The following HEPH variants were observed in gnomAD, a reference collection of about 807,000 sequenced individuals.
HEPH encodes the protein hephaestin.
HEPH carries 69 observed loss-of-function variants against 80.8 expected under a neutral mutation model. The observed-to-expected ratio is 0.85, with a 90% CI of 0.70 to 1.04. The LOEUF is 1.04. Among genes scored for constraint, HEPH ranks in the 50% least tolerant of loss-of-function variants. The pLI is 0.00. For synonymous variants in HEPH, 431 were observed against 322.8 expected (o/e 1.34, Z -3.60); for missense variants, 1,115 against 891.3 (o/e 1.25, Z -3.20).
At chrX:66,267,993 T>C (rs929561804), downstream of HEPH, 2 of 111,713 alleles carry the variant, frequency 1.8e-5, no homozygotes, top group African/African-American at 6.5e-5. Flanking sequence ...TTAAAAAGCA[T>C]TTTAATTCTT....
intron 15 of HEPH, among the ~76,000 whole-genome samples, chrX:66,213,021 ATTTAT>A (rs1316575426): frequency 1.9e-5 from 2 of 107,926 alleles, no homozygotes; most frequent in African/African-American, 6.7e-5. Flanking sequence ...AAATTAATTT[ATTTAT>A]TTTATTTATT....
At chrX:66,203,981 A>T (rs936900736) in intron 13 of HEPH, among the ~76,000 whole-genome samples, 12 of 112,476 alleles carry the variant, frequency 1.1e-4, no homozygotes, top group Non-Finnish European at 2.2e-4. Flanking sequence ...TGATTTAAAT[A>T]TGATAGAATT....
At chrX:66,186,237 C>T (rs1243130735) in intron 4 of HEPH, among the ~76,000 whole-genome samples, 5 of 98,359 alleles carry the variant, frequency 5.1e-5, no homozygotes, top group African/African-American at 1.6e-4. Context: ...CCCCCCAGTT[C>T]GAGCTTCCAG....
chrX:66,175,832 A>G (rs755551459), intron 4 of HEPH, among the ~76,000 whole-genome samples: 35 of 111,677 alleles, frequency 3.1e-4, no homozygotes, highest in Non-Finnish European at 6.2e-4. Context: ...ATGGTAGTGT[A>G]TAGAAGAGCT....
intron 15 of HEPH, among the ~76,000 whole-genome samples, chrX:66,220,098 G>A (rs765069361): frequency 1.8e-5 from 2 of 111,027 alleles, no homozygotes; most frequent in Non-Finnish European, 3.8e-5. Context: ...AGTTATCAGG[G>A]TGATTCTTTT....
At chrX:66,183,961 C>T (rs1170212677) in intron 4 of HEPH, among the ~76,000 whole-genome samples, 1 of 12,709 alleles carries the variant, frequency 7.9e-5, no homozygotes, top group Non-Finnish European at 1.2e-4. Context: ...CGTTATGTAC[C>T]CAGTAGTCAT....
chrX:66,179,970 G>T (rs1306412563), intron 4 of HEPH, among the ~76,000 whole-genome samples: 2 of 110,752 alleles, frequency 1.8e-5, no homozygotes, highest in Admixed American at 9.7e-5. Context: ...GTTTATGTGA[G>T]TCCTTATGTG....
Position 66,170,623 on chromosome X carries a change from C to T in HEPH, c.53C>T (p.Pro18Leu). ...CTGCTGTTCATGCAGTCCTTGTGGC[C>T]TCAACTGACTGATGGAGCCACTCGA... ...WALLFMQSLW[P>L]QLTDGATRVY... is the part of the protein sequence containing the mutation. Residue 18 changes from proline to leucine, a missense_variant, in exon 2 of 21, where the codon CCT becomes CTT. Physicochemically the swap from Pro to Leu is moderately conservative, Grantham distance 98. Coordinates refer to ENST00000343002, the MANE Select transcript of HEPH (RefSeq NM_001367233.3). 1.7e-6 allele frequency: 2 copies of T among 1,210,242 alleles called. No individual in the cohort carries two copies. The highest frequency in any genetic ancestry group is 1.1e-6 in the Non-Finnish European group (1 of 894,399).
intron 20 of HEPH, 63 bp from the exon 21 acceptor site, chrX:66,266,377 A>T: frequency 2.3e-6 from 2 of 881,387 alleles, no homozygotes; most frequent in Non-Finnish European, 3.3e-6. Context: ...TGATGACTAT[A>T]GATAGTTACC....
At chrX:66,203,199 A>G (rs770659949) in intron 12 of HEPH, among the ~76,000 whole-genome samples, 165 bp from the exon 13 acceptor site, 1 of 110,295 alleles carries the variant, frequency 9.1e-6, no homozygotes, top group Non-Finnish European at 1.9e-5. Context: ...TACTCTCAAT[A>G]AACTTTAAAT....
chrX:66,170,638 G>A lies in HEPH; in HGVS notation c.68G>A (p.Gly23Glu). ...MQSLWPQLTD[G>E]ATRVYYLGIR... ...TCCTTGTGGCCTCAACTGACTGATGGAGCCACTCGAGTCTACTACCTGGGC... is the reference window on the plus strand; with the variant it reads ...TCCTTGTGGCCTCAACTGACTGATGAAGCCACTCGAGTCTACTACCTGGGC... The change falls in exon 2 of 21, where the codon GGA becomes GAA. Residue 23 changes from glycine to glutamate, a missense_variant. Around this residue, in one of 3 missense-constraint regions of HEPH, gnomAD observed 391 missense variants for 343.6 expected, o/e 1.14. Transcript: ENST00000343002. 8.3e-7 allele frequency: 1 copy of A among 1,209,288 alleles called. No homozygotes were observed. The highest frequency in any genetic ancestry group is 1.1e-6 in the Non-Finnish European group (1 of 893,684).
At chrX:66,194,006 A>G (rs747320295) in intron 8 of HEPH, among the ~76,000 whole-genome samples, 2 of 111,845 alleles carry the variant, frequency 1.8e-5, no homozygotes, top group African/African-American at 6.5e-5. Flanking sequence ...GTAAGACTGT[A>G]TAGGTTCTCA....
Position 66,264,419 on chromosome X carries a change from G to A in HEPH, c.3244+731G>A, listed in dbSNP as rs371329226. ...TTCTTCAACAGCTATTTTTATTCTT[G>A]CCTCTTTCCCTTTCATCTATGGAAT... On this transcript the variant is annotated intron_variant, in intron 20 of 20. Transcript: ENST00000343002. Among the ~76,000 whole-genome samples the A allele has an allele frequency of 2.3e-3, 254 of 108,767 alleles. 2 individuals carry two copies. Among genetic ancestry groups the A allele is most frequent in the African/African-American group, 8.1e-3 (242 of 30,028 alleles). 94.5% of individuals were successfully genotyped at this position (108,767 alleles called of 115,157 possible).
At position 66,266,743 on chromosome X, in the gene HEPH, C is replaced by G; in HGVS notation, c.*71C>G. The G allele has an allele frequency of 1.5e-6, 1 of 686,138 alleles. No homozygotes were observed. The highest frequency in any genetic ancestry group is 2.6e-5 in the South Asian group (1 of 38,754). 56.5% of individuals were successfully genotyped at this position (686,138 alleles called of 1,213,427 possible). A position where few individuals can be genotyped will look rare whatever the true frequency, so the allele number is the denominator to read the frequency against. On this transcript the variant is annotated 3_prime_UTR_variant, in exon 21 of 21. Transcript: ENST00000343002. ...CTCCCAGCAGGCCATGGACTAGTCA[C>G]TAACCCCACACTCAAAGGGGCATGG...
At chrX:66,186,992 T>A (rs1267844274) in intron 4 of HEPH, among the ~76,000 whole-genome samples, 1 of 111,328 alleles carries the variant, frequency 9.0e-6, no homozygotes, top group Admixed American at 9.5e-5. Flanking sequence ...CTCTGAATTT[T>A]TTTCTTCTAC....
Position 66,198,989 on chromosome X carries a change from G to A in HEPH, c.1825G>A (p.Glu609Lys). Residue 609 changes from glutamate (E) to lysine (K), a missense_variant, in exon 11 of 21, where the codon GAG becomes AAG. By Grantham distance (56) the Glu-to-Lys change is moderately conservative. Transcript: ENST00000343002. Reference sequence around the variant, plus strand: ...TATGTTGGATTTCCGACTGCTTTCAGAGGATATTGAGGGCTTCCAAGACTC... The same window carrying A: ...TATGTTGGATTTCCGACTGCTTTCAAAGGATATTGAGGGCTTCCAAGACTC... ...AAMLDFRLLSEDIEGFQDSNR... is the reference protein window; with the variant it reads ...AAMLDFRLLSKDIEGFQDSNR... The A allele has an allele frequency of 8.3e-7, 1 of 1,211,426 alleles. No homozygotes were observed.
intron 15 of HEPH, among the ~76,000 whole-genome samples, chrX:66,238,169 G>T (rs777866289): frequency 2.7e-5 from 3 of 111,141 alleles, no homozygotes; most frequent in Admixed American, 9.6e-5. Context: ...CATATTAGCT[G>T]GTTATTATGC....
chrX:66,266,895 AGG>A lies in HEPH; in HGVS notation c.*225_*226del. On this transcript the variant is annotated 3_prime_UTR_variant, in exon 21 of 21. Coordinates refer to ENST00000343002, the MANE Select transcript of HEPH (RefSeq NM_001367233.3). ...TGCTCTACGTGGGCACCTGGCACTA[AGG>A]GAGTACCTTATTATCCTACATCGCA... 2 of 387,356 alleles carry A rather than the reference AGG, an allele frequency of 5.2e-6. No individual in the cohort carries two copies. The highest frequency in any genetic ancestry group is 1.1e-4 in the South Asian group (2 of 18,188). The allele number at this position is 387,356 out of a possible 1,213,427, so 31.9% of individuals were successfully genotyped here.
chrX:66,190,886 T>C (rs1057281160), intron 6 of HEPH, among the ~76,000 whole-genome samples: 2 of 111,531 alleles, frequency 1.8e-5, no homozygotes, highest in African/African-American at 6.5e-5. Context: ...GGATTAGAGA[T>C]GCAGCATGAT....
Sources: gnomAD v4.1 joint callset for allele counts (sites outside exome capture counted in the v4.1 genomes callset) on GRCh38, gnomAD v4.1.1 for gene constraint, gnomAD v4.1.1 regional missense constraint, MANE v1.5 for transcripts, NCBI Gene and HGNC (gene_info 2026-07-23, HGNC 2026-07-21) for gene names.